CTNND2: variants seen among roughly 807,000 people sequenced by gnomAD.
CTNND2 encodes the protein catenin delta 2, also known as catenin delta-2.
A neutral mutation model predicts 144.4 loss-of-function variants in CTNND2; 22 were observed. That is an observed-to-expected ratio of 0.15 (90% confidence interval 0.11 to 0.22). CTNND2 has a LOEUF of 0.22. Among genes scored for constraint, CTNND2 ranks in the 10% least tolerant of loss-of-function variants. The pLI is 1.00. For missense variants in CTNND2, 1,353 were observed against 1,618.8 expected (o/e 0.84, Z 2.82); for synonymous variants, 751 against 695.6 (o/e 1.08, Z -1.25).
intron 2 of CTNND2, among the ~76,000 whole-genome samples, chr5:11,711,966 T>G (rs1444574553): frequency 6.6e-6 from 1 of 152,202 alleles, no homozygotes; most frequent in Non-Finnish European, 1.5e-5. Context: ...AACATTATTA[T>G]TAGTAGGAGT....
chr5:11,250,151 T>A (rs553543056), intron 9 of CTNND2, among the ~76,000 whole-genome samples: 1 of 152,284 alleles, frequency 6.6e-6, no homozygotes, highest in African/African-American at 2.4e-5. Flanking sequence ...ACCCTTCAGT[T>A]TGAATAAAAT....
Position 11,903,783 on chromosome 5 carries a change from C to T in CTNND2, c.37+34G>A, listed in dbSNP as rs1312663392. 3 of 1,473,210 alleles carry T rather than the reference C, an allele frequency of 2.0e-6. No homozygotes were observed. Among genetic ancestry groups the T allele is most frequent in the African/African-American group, 1.5e-5 (1 of 67,972 alleles). 91.3% of individuals were successfully genotyped at this position (1,473,210 alleles called of 1,614,324 possible). On this transcript the variant is annotated intron_variant, in intron 1 of 21. Coordinates refer to ENST00000304623, the MANE Select transcript of CTNND2 (RefSeq NM_001332.4). This position sits in a 1 kb window ranked among gnomAD's most constrained non-coding sequence, Gnocchi z 5.4. ...GGAGGACGGCGCCGGGAGGAGGCTG[C>T]GCCCGGCCCCGGCCGCCCAGCCCCG... is the stretch of plus-strand genomic sequence containing the variant.
rs116464728 is a variant in CTNND2 at position 11,446,791 on chromosome 5, A to G, written c.288-34722T>C. Among the ~76,000 whole-genome samples, 831 of 152,280 alleles carry G rather than the reference A, an allele frequency of 5.5e-3. 4 individuals are homozygous for G. The highest frequency in any genetic ancestry group is 0.019 in the African/African-American group (804 of 41,564). ...ATGAGTTACAGAAGGAGCAAGTGGC[A>G]GGCTAGGAGACAGCATGCCACTTGA... On this transcript the variant is annotated intron_variant, in intron 3 of 21. Transcript: ENST00000304623.
At chr5:11,224,944 C>G (rs930392926) in intron 10 of CTNND2, among the ~76,000 whole-genome samples, 4 of 152,064 alleles carry the variant, frequency 2.6e-5, no homozygotes, top group African/African-American at 9.7e-5. Context: ...CTGTAGGTTA[C>G]TGGGCAGCCC....
At chr5:11,369,448 G>A (rs866064226) in intron 7 of CTNND2, among the ~76,000 whole-genome samples, 2 of 152,138 alleles carry the variant, frequency 1.3e-5, no homozygotes, top group African/African-American at 4.8e-5. Flanking sequence ...TGTTTTCCTT[G>A]AGTCAACAAG....
chr5:11,443,866 G>A (rs1210691832), intron 3 of CTNND2, among the ~76,000 whole-genome samples: 2 of 137,804 alleles, frequency 1.5e-5, no homozygotes, highest in Non-Finnish European at 3.0e-5. Flanking sequence ...AACTTATTGG[G>A]TGGCATAAAA....
chr5:11,265,681 C>T (rs1026544878), intron 9 of CTNND2, among the ~76,000 whole-genome samples: 1 of 149,626 alleles, frequency 6.7e-6, no homozygotes, highest in Non-Finnish European at 1.5e-5. Context: ...CACTCAGCAT[C>T]ACTGTATGTA....
chr5:11,216,908 C>T (rs1481016733), intron 10 of CTNND2, among the ~76,000 whole-genome samples: 1 of 152,202 alleles, frequency 6.6e-6, no homozygotes, highest in South Asian at 2.1e-4. Flanking sequence ...GCTATAACCA[C>T]CAGGGCTCAT....
At chr5:11,686,032 C>G (rs759752147) in intron 2 of CTNND2, among the ~76,000 whole-genome samples, 1 of 151,950 alleles carries the variant, frequency 6.6e-6, no homozygotes, top group Non-Finnish European at 1.5e-5. Flanking sequence ...ATGGCGAAAC[C>G]CCATCTCTAC....
At chr5:11,692,283 A>C (rs1238066153) in intron 2 of CTNND2, among the ~76,000 whole-genome samples, 2 of 152,248 alleles carry the variant, frequency 1.3e-5, no homozygotes, top group Admixed American at 6.5e-5. Flanking sequence ...CAAACAAAAA[A>C]AAATTTTAAA....
chr5:11,540,994 T>C (rs148963149), intron 3 of CTNND2, among the ~76,000 whole-genome samples: 8 of 152,306 alleles, frequency 5.3e-5, no homozygotes, highest in African/African-American at 1.9e-4. Context: ...GACTTAGCCC[T>C]TTGACAGAAA....
At chr5:11,430,447 C>G (rs922278158) in intron 3 of CTNND2, among the ~76,000 whole-genome samples, 4 of 142,882 alleles carry the variant, frequency 2.8e-5, no homozygotes, top group African/African-American at 7.8e-5. Context: ...AAAGAGCTTA[C>G]AGAGAATAAA....
intron 6 of CTNND2, among the ~76,000 whole-genome samples, chr5:11,385,588 T>C (rs1217280470): frequency 6.6e-6 from 1 of 152,204 alleles, no homozygotes; most frequent in Non-Finnish European, 1.5e-5. Flanking sequence ...ATCTCCCTGG[T>C]CGCAATCACA....
chr5:11,817,422 A>AGGAG (rs1475557649), intron 1 of CTNND2, among the ~76,000 whole-genome samples: 2 of 676 alleles, frequency 3.0e-3, no homozygotes, highest in African/African-American at 5.0e-3. Context: ...AGAGAGAGAG[A>AGGAG]GAGAGAGAGA....
At chr5:11,360,781 C>T (rs4702802) in intron 8 of CTNND2, among the ~76,000 whole-genome samples, 32,420 of 152,000 alleles carry the variant, frequency 0.21, 3,723 homozygotes, top group South Asian at 0.3. Context: ...ATGTCTTTCT[C>T]TGAAACAAAA....
At chr5:11,709,363 T>C (rs1177622475) in intron 2 of CTNND2, among the ~76,000 whole-genome samples, 1 of 152,208 alleles carries the variant, frequency 6.6e-6, no homozygotes, top group African/African-American at 2.4e-5. Context: ...TACACAGCAG[T>C]GTGAATGATC....
intron 16 of CTNND2, among the ~76,000 whole-genome samples, chr5:11,031,560 T>C (rs1039724390): frequency 2.4e-4 from 37 of 152,174 alleles, no homozygotes; most frequent in African/African-American, 8.0e-4. Context: ...CTTAATTGGA[T>C]TGAAGGATGC....
chr5:11,641,519 A>T (rs1476535817), intron 2 of CTNND2, among the ~76,000 whole-genome samples: 5 of 151,640 alleles, frequency 3.3e-5, no homozygotes, highest in Non-Finnish European at 7.4e-5. Flanking sequence ...GTACATGCAC[A>T]CATATACACG....
chr5:11,458,910 G>A (rs770943389), intron 3 of CTNND2, among the ~76,000 whole-genome samples: 4 of 151,452 alleles, frequency 2.6e-5, no homozygotes, highest in Non-Finnish European at 1.5e-5. Flanking sequence ...CTGTAGGCAC[G>A]CACCACCACC....
Sources: allele counts gnomAD v4.1 joint callset (sites outside exome capture counted in the v4.1 genomes callset), GRCh38; gene constraint gnomAD v4.1.1; non-coding constraint Gnocchi (gnomAD v3.1); transcripts MANE v1.5; gene names NCBI Gene and HGNC (gene_info 2026-07-23, HGNC 2026-07-21).